INPPL1: variants seen among roughly 807,000 people sequenced by gnomAD.
INPPL1 encodes the protein phosphatidylinositol 3,4,5-trisphosphate 5-phosphatase 2.
Under a neutral mutation model 139.3 loss-of-function variants are expected in INPPL1, and 91 were observed. That is an observed-to-expected ratio of 0.65 (90% confidence interval 0.55 to 0.78). The LOEUF (loss-of-function observed/expected upper bound fraction) is 0.78. Among genes scored for constraint, INPPL1 ranks in the 30% least tolerant of loss-of-function variants. The pLI, the probability that INPPL1 is intolerant of heterozygous loss-of-function variation, is 0.00. For synonymous variants in INPPL1, 719 were observed against 686.6 expected (o/e 1.05, Z -0.74); for missense variants, 1,411 against 1,665.6 (o/e 0.85, Z 2.66).
At chr11:72,233,188 C>G (rs761753673) in intron 17 of INPPL1, 25 bp downstream of exon 17, 1 of 1,599,870 alleles carries the variant, frequency 6.3e-7, no homozygotes, top group Non-Finnish European at 8.6e-7. Context: ...CGGCATGGGC[C>G]TTGGGGGACC....
Position 72,233,376 on chromosome 11 carries a change from G to A in INPPL1, c.2041-65G>A, listed in dbSNP as rs1049520604. On this transcript the variant is annotated intron_variant, in intron 17 of 27. Coordinates refer to ENST00000298229, the MANE Select transcript of INPPL1 (RefSeq NM_001567.4). ...AGTGTGGGGACTCATCAGCTCTGGA[G>A]TGGGGTCCATGCCAAGCAGCCTCCT... 30 of 1,395,420 alleles carry A rather than the reference G, an allele frequency of 2.1e-5. No individual in the cohort carries two copies. The African/African-American group carries it at 3.8e-4, about 18-fold the overall frequency. 86.4% of individuals were successfully genotyped at this position (1,395,420 alleles called of 1,614,324 possible).
chr11:72,226,880 AT>A (rs1485577379), intron 1 of INPPL1, among the ~76,000 whole-genome samples: 1 of 151,780 alleles, frequency 6.6e-6, no homozygotes, highest in East Asian at 1.9e-4. Context: ...GAGGAACATT[AT>A]TGTCCCAGGA....
Position 72,237,594 on chromosome 11 carries a change from A to T in INPPL1, c.3350A>T (p.Asp1117Val). 6.3e-7 allele frequency: 1 copy of T among 1,599,806 alleles called. No homozygotes were observed. Among genetic ancestry groups the T allele is most frequent in the South Asian group, 1.1e-5 (1 of 90,194 alleles). ...TTCCTGGGGGAAGTGGCCAGTGGGG[A>T]TGACCGGTCCTGCTCGGTGCTGCAG... ...STFLGEVASG[D>V]DRSCSVLQMA... The change falls in exon 26 of 28, where the codon GAT becomes GTT. Residue 1117 changes from aspartate to valine, a missense_variant. Around this residue, in one of 5 missense-constraint regions of INPPL1, gnomAD observed 438 missense variants for 425.7 expected, o/e 1.03. Coordinates refer to ENST00000298229, the MANE Select transcript of INPPL1 (RefSeq NM_001567.4).
At chr11:72,225,196 G>C (rs1439765364) in intron 1 of INPPL1, 30 bp downstream of exon 1, 2 of 947,094 alleles carry the variant, frequency 2.1e-6, no homozygotes. Context: ...CTTGCGGGCT[G>C]GCGTGGACCG....
chr11:72,225,143 G>T lies in INPPL1; in HGVS notation c.159G>T (p.Ala53=). Residue 53 remains alanine, a synonymous_variant, in exon 1 of 28, where the codon GCG becomes GCT. Coordinates refer to ENST00000298229, the MANE Select transcript of INPPL1 (RefSeq NM_001567.4). ...SFLVRDSESV[A]GAFALCVLYQ... is the part of the protein sequence containing the mutation. ...TGGTCCGAGACAGCGAGAGCGTGGCGGGGGCCTTCGCGCTCTGCGTCCTGT... is the reference window on the plus strand; with the variant it reads ...TGGTCCGAGACAGCGAGAGCGTGGCTGGGGCCTTCGCGCTCTGCGTCCTGT... 8.1e-7 allele frequency: 1 copy of T among 1,231,420 alleles called. No homozygotes were observed. The highest frequency in any genetic ancestry group is 1.0e-6 in the Non-Finnish European group (1 of 987,494). 76.3% of individuals were successfully genotyped at this position (1,231,420 alleles called of 1,614,324 possible).
At chr11:72,230,636 A>G (rs1948806390) in intron 10 of INPPL1, 160 bp from the exon 11 acceptor site, 3 of 845,482 alleles carry the variant, frequency 3.5e-6, no homozygotes, top group Non-Finnish European at 5.7e-6. Flanking sequence ...CTGAGGGTGG[A>G]TAACATTTGC....
chr11:72,231,728 T>A, intron 13 of INPPL1, 113 bp downstream of exon 13: 4 of 755,634 alleles, frequency 5.3e-6, no homozygotes, highest in Non-Finnish European at 9.4e-6. Context: ...TCCCCATATA[T>A]AGGGTACTTT....
At position 72,237,347 on chromosome 11, in the gene INPPL1, G is replaced by C; in HGVS notation, c.3103G>C (p.Gly1035Arg). 1 of 1,614,008 alleles carries C rather than the reference G, an allele frequency of 6.2e-7. No homozygotes were observed. The highest frequency in any genetic ancestry group is 8.5e-7 in the Non-Finnish European group (1 of 1,180,016). ...QLGHHRHPRVGEGSSSDEESG... is the reference protein window; with the variant it reads ...QLGHHRHPRVREGSSSDEESG... ...TGGGCACCACCGGCACCCTCGTGTGGGAGAGGGGAGTTCTTCAGATGAGGA... is the reference window on the plus strand; with the variant it reads ...TGGGCACCACCGGCACCCTCGTGTGCGAGAGGGGAGTTCTTCAGATGAGGA... The change falls in exon 26 of 28, where the codon GGA (glycine) becomes CGA (arginine). Residue 1035 changes from glycine (G) to arginine (R), a missense_variant. Physicochemically the swap from Gly to Arg is moderately radical, Grantham distance 125. This residue lies in a region of INPPL1 where 438 missense variants were observed against 425.7 expected (regional missense o/e 1.03). Transcript: ENST00000298229.
Position 72,229,530 on chromosome 11 carries a change from C to T in INPPL1, c.725C>T (p.Pro242Leu). 1 of 1,614,098 alleles carries T rather than the reference C, an allele frequency of 6.2e-7. No homozygotes were observed. Among genetic ancestry groups the T allele is most frequent in the Non-Finnish European group, 8.5e-7 (1 of 1,180,016 alleles). ...LSKVFDQQSS[P>L]MVTRLLQQQN... ...AAGGTGTTTGACCAGCAGAGCTCGC[C>T]CATGGTGACCCGCCTTTTGCAGCAG... The change falls in exon 6 of 28, where the codon CCC becomes CTC. Residue 242 changes from proline (P) to leucine (L), a missense_variant. Around this residue, in one of 5 missense-constraint regions of INPPL1, gnomAD observed 504 missense variants for 595.6 expected, o/e 0.85. Coordinates refer to ENST00000298229, the MANE Select transcript of INPPL1 (RefSeq NM_001567.4).
chr11:72,229,962 C>T lies in INPPL1; in HGVS notation c.882C>T (p.Pro294=). The change falls in exon 8 of 28, where the codon CCC becomes CCT. Residue 294 remains proline (P), a synonymous_variant. Transcript: ENST00000298229. ...KALQDMSSTA[P]PAPQPSTRKA... ...TACAGGACATGAGCTCCACAGCACCCCCAGCTCCGCAGCCATCCACACGTA... is the reference window on the plus strand; with the variant it reads ...TACAGGACATGAGCTCCACAGCACCTCCAGCTCCGCAGCCATCCACACGTA... 6.2e-7 allele frequency: 1 copy of T among 1,614,214 alleles called. No individual in the cohort carries two copies. The highest frequency in any genetic ancestry group is 8.5e-7 in the Non-Finnish European group (1 of 1,180,040).
chr11:72,224,957 G>C lies in INPPL1; in HGVS notation c.-28G>C. 1 of 1,085,726 alleles carries C rather than the reference G, an allele frequency of 9.2e-7. No homozygotes were observed. Among genetic ancestry groups the C allele is most frequent in the South Asian group, 4.3e-5 (1 of 23,044 alleles). 67.3% of individuals were successfully genotyped at this position (1,085,726 alleles called of 1,614,324 possible). On this transcript the variant is annotated 5_prime_UTR_variant, in exon 1 of 28. Transcript: ENST00000298229. ...GGGCGGATGGCGCGGGGCGGCGGGG[G>C]CGGGCGGTGCTGAGCCCTGCGCGGG...
At chr11:72,232,373 A>G (rs1229058580) in intron 14 of INPPL1, 37 bp downstream of exon 14, 4 of 1,522,626 alleles carry the variant, frequency 2.6e-6, no homozygotes, top group Non-Finnish European at 2.7e-6. Context: ...CTTTACACCC[A>G]TCCCATTCAC....
Position 72,232,356 on chromosome 11 carries a change from A to G in INPPL1, c.1712+20A>G, listed in dbSNP as rs879263973. The G allele has an allele frequency of 1.7e-5, 26 of 1,546,114 alleles. No individual in the cohort carries two copies. The highest frequency in any genetic ancestry group is 2.3e-5 in the Non-Finnish European group (26 of 1,142,236). On this transcript the variant is annotated intron_variant, in intron 14 of 27. Coordinates refer to ENST00000298229, the MANE Select transcript of INPPL1 (RefSeq NM_001567.4). ...GGCTCGGTGAGGGGGCGCCTTTCCC[A>G]TGGTCTCTTTACACCCATCCCATTC... is the stretch of plus-strand genomic sequence containing the variant.
Position 72,228,565 on chromosome 11 carries a change from C to T in INPPL1, c.397+67C>T. The T allele has an allele frequency of 1.9e-6, 3 of 1,578,130 alleles. No homozygotes were observed. The South Asian group carries it at 3.3e-5, about 18-fold the overall frequency. On this transcript the variant is annotated intron_variant, in intron 3 of 27. Coordinates refer to ENST00000298229, the MANE Select transcript of INPPL1 (RefSeq NM_001567.4). This position sits in a 1 kb window ranked among gnomAD's most constrained non-coding sequence, Gnocchi z 5.0. ...TGGCTCTACCTGCCTCTTCCCATCCCCCCTTCTCAACCCCACCTCTCCTGT... is the reference window on the plus strand; with the variant it reads ...TGGCTCTACCTGCCTCTTCCCATCCTCCCTTCTCAACCCCACCTCTCCTGT...
At chr11:72,230,727 C>T (rs1948808577) in intron 10 of INPPL1, 69 bp from the exon 11 acceptor site, 4 of 1,319,088 alleles carry the variant, frequency 3.0e-6, no homozygotes, top group Middle Eastern at 2.0e-4. Flanking sequence ...AGCCAACTGG[C>T]AGGGTATCCC....
Position 72,234,565 on chromosome 11 carries a change from GACA to G in INPPL1, c.2369_2371del (p.Asn790del), listed in dbSNP as rs771041957. ...CTTTGAGAATGATGCCCAGAGCAGT[GACA>G]ACATCAACTTCCTCAAAGTGCAGTG... On this transcript the variant is annotated inframe_deletion, in exon 21 of 28. Coordinates refer to ENST00000298229, the MANE Select transcript of INPPL1 (RefSeq NM_001567.4). This position sits in a 1 kb window ranked among gnomAD's most constrained non-coding sequence, Gnocchi z 4.2. 4 of 1,613,558 alleles carry G rather than the reference GACA, an allele frequency of 2.5e-6. No homozygotes were observed. Among genetic ancestry groups the G allele is most frequent in the Non-Finnish European group, 3.4e-6 (4 of 1,179,644 alleles).
At chr11:72,232,362 T>C in intron 14 of INPPL1, 26 bp downstream of exon 14, 1 of 1,534,920 alleles carries the variant, frequency 6.5e-7, no homozygotes, top group Non-Finnish European at 8.8e-7. Flanking sequence ...TCCCATGGTC[T>C]CTTTACACCC....
intron 26 of INPPL1, 105 bp downstream of exon 26, chr11:72,237,901 G>A: frequency 3.4e-6 from 5 of 1,451,756 alleles, no homozygotes; most frequent in Non-Finnish European, 4.6e-6. Flanking sequence ...CTGCTACCCT[G>A]AACTGATCAC....
At chr11:72,225,335 G>A (rs1025915738) in intron 1 of INPPL1, 169 bp downstream of exon 1, 35 of 985,304 alleles carry the variant, frequency 3.6e-5, no homozygotes, top group Non-Finnish European at 4.0e-5. Context: ...AGGGACGCAG[G>A]GGCACTTCCT....
Sources: allele counts gnomAD v4.1 joint callset (sites outside exome capture counted in the v4.1 genomes callset), GRCh38; gene constraint gnomAD v4.1.1; regional missense constraint gnomAD v4.1.1; non-coding constraint Gnocchi (gnomAD v3.1); transcripts MANE v1.5; gene names NCBI Gene and HGNC (gene_info 2026-07-23, HGNC 2026-07-21).